Variants in SBNO1 observed in about 807,000 individuals in gnomAD.
SBNO1 encodes the protein protein strawberry notch homolog 1.
In SBNO1, 23 loss-of-function variants were observed where a neutral mutation model predicts 173.6. The ratio of observed to expected loss-of-function variants is 0.13; its 90% CI spans 0.10 to 0.19. The LOEUF (loss-of-function observed/expected upper bound fraction) is 0.19. Ranked by LOEUF, SBNO1 falls within the 10% of genes least tolerant of loss-of-function variation. The pLI is 1.00. For missense variants in SBNO1, 1,238 were observed against 1,671.2 expected, an observed-to-expected ratio of 0.74 and a Z score of 4.52; for synonymous variants, 632 against 571.5, an observed-to-expected ratio of 1.11 and a Z score of -1.51.
intron 7 of SBNO1, among the ~76,000 whole-genome samples, chr12:123,333,507 T>A (rs1034554400): frequency 1.7e-4 from 25 of 146,368 alleles, no homozygotes; most frequent in Non-Finnish European, 2.9e-4. Context: ...ATATATATAA[T>A]TTTTTTTTTT....
At chr12:123,361,027 C>G (rs1875094080) in intron 1 of SBNO1, among the ~76,000 whole-genome samples, 1 of 151,934 alleles carries the variant, frequency 6.6e-6, no homozygotes, top group Non-Finnish European at 1.5e-5. Flanking sequence ...AGGCGGATCA[C>G]GAGATCAAGA....
At chr12:123,356,263 T>G (rs886366921) in intron 1 of SBNO1, among the ~76,000 whole-genome samples, 3 of 152,256 alleles carry the variant, frequency 2.0e-5, no homozygotes, top group African/African-American at 7.2e-5. Context: ...GAAGTAAATG[T>G]GATACTACCT....
chr12:123,296,008 A>C lies in SBNO1; in HGVS notation c.4082T>G (p.Leu1361Arg). Residue 1361 changes from leucine (L) to arginine (R), a missense_variant, in exon 32 of 32, where the codon CTC (leucine) becomes CGC (arginine). Leu to Arg is a moderately radical substitution (Grantham distance 102). Transcript: ENST00000602398. ...PANCVSPLVN[L>R]LSTSDQSQQL... is the part of the protein sequence containing the mutation. ...TTGAGACTGGTCTGAAGTTGATAGG[A>C]GATTTACAAGAGGAGACACACAATT... is the stretch of plus-strand genomic sequence containing the variant. 6.2e-7 allele frequency: 1 copy of C among 1,614,002 alleles called. No individual in the cohort carries two copies. The highest frequency in any genetic ancestry group is 8.5e-7 in the Non-Finnish European group (1 of 1,179,866).
chr12:123,320,224 A>G (rs12371973), intron 19 of SBNO1, among the ~76,000 whole-genome samples, 193 bp from the exon 20 acceptor site: 9,506 of 152,286 alleles, frequency 0.062, 333 homozygotes, highest in South Asian at 0.11. Context: ...AAGATGCGTG[A>G]TAAGTGCAGT....
Position 123,291,715 on chromosome 12 carries a change from A to T in SBNO1, c.*4193T>A, listed in dbSNP as rs1051258732. ...AAAAAAAAAAGTCATAAGATGCCCC[A>T]TATGGGAAAGTCAAGAAAAGAATAA... On this transcript the variant is annotated 3_prime_UTR_variant, in exon 32 of 32. Transcript: ENST00000602398. The T allele has an allele frequency of 2.0e-5, 3 of 149,578 alleles. No individual in the cohort carries two copies. Among genetic ancestry groups the T allele is most frequent in the Admixed American group, 6.7e-5 (1 of 15,022 alleles). 9.3% of individuals were successfully genotyped at this position (149,578 alleles called of 1,614,324 possible).
chr12:123,324,369 T>C (rs377761812), intron 15 of SBNO1, among the ~76,000 whole-genome samples: 2 of 150,264 alleles, frequency 1.3e-5, no homozygotes, highest in African/African-American at 4.9e-5. Flanking sequence ...TCACCCAGGC[T>C]GGAGTGCAAT....
intron 7 of SBNO1, among the ~76,000 whole-genome samples, chr12:123,331,896 A>G (rs1871258440): frequency 6.6e-6 from 1 of 152,034 alleles, no homozygotes; most frequent in African/African-American, 2.4e-5. Context: ...CTCTGTTGCC[A>G]GGCTGAAGTG....
intron 29 of SBNO1, 85 bp from the exon 30 acceptor site, chr12:123,302,985 G>C: frequency 2.0e-6 from 2 of 1,006,732 alleles, no homozygotes; most frequent in Non-Finnish European, 3.1e-6. Context: ...TCTAGAGGTA[G>C]CCAATTTAAA....
At position 123,291,422 on chromosome 12, in the gene SBNO1, A is replaced by AT. The variant is rs1173731803; in HGVS notation, c.*4485dup. 1.3e-5 allele frequency: 2 copies of AT among 152,186 alleles called. No homozygotes were observed. Among genetic ancestry groups the AT allele is most frequent in the Non-Finnish European group, 2.9e-5 (2 of 68,034 alleles). 9.4% of individuals were successfully genotyped at this position (152,186 alleles called of 1,614,324 possible). On this transcript the variant is annotated 3_prime_UTR_variant, in exon 32 of 32. Coordinates refer to ENST00000602398, the MANE Select transcript of SBNO1 (RefSeq NM_001167856.3). ...GGAGCTTAAAGAAGTCTCAGGAAGC[A>AT]TTTTTTAAAATGTGAAAACATCAGG...
intron 21 of SBNO1, among the ~76,000 whole-genome samples, chr12:123,316,766 G>C (rs754818033): frequency 4.8e-4 from 69 of 144,556 alleles, no homozygotes; most frequent in Non-Finnish European, 1.2e-4. Flanking sequence ...GCAATAGCGT[G>C]ATCTCAGCTC....
intron 19 of SBNO1, 38 bp downstream of exon 19, chr12:123,320,394 A>G: frequency 6.4e-7 from 1 of 1,566,314 alleles, no homozygotes; most frequent in Non-Finnish European, 8.7e-7. Context: ...AGGGGTTCAA[A>G]TGGCAAAAAT....
chr12:123,303,273 AG>A (rs1471276305), intron 29 of SBNO1, among the ~76,000 whole-genome samples: 4 of 152,232 alleles, frequency 2.6e-5, no homozygotes, highest in African/African-American at 9.6e-5. Context: ...ACTAAGAGGT[AG>A]TGAGAAGGGC....
intron 9 of SBNO1, 120 bp from the exon 10 acceptor site, chr12:123,329,015 A>G: frequency 3.5e-6 from 2 of 572,988 alleles, no homozygotes; most frequent in Admixed American, 3.3e-5. Flanking sequence ...TTCAGAAAAC[A>G]TAAAAGTACA....
intron 1 of SBNO1, chr12:123,364,039 ATGGGTAATTCTTAGG>A: frequency 2.0e-6 from 2 of 985,418 alleles, no homozygotes; most frequent in Middle Eastern, 5.2e-4. Context: ...GTTCCCCTCC[ATGGGTAATTCTTAGG>A]GTCTGGGAGG....
chr12:123,327,589 A>G lies in SBNO1; in HGVS notation c.1539-10T>C, dbSNP rs1870746074. On this transcript the variant is annotated splice_polypyrimidine_tract_variant and intron_variant, in intron 12 of 31. Transcript: ENST00000602398. ...CATGGCACCAACTCCTCTGAATAAA[A>G]TTAAAACATACAGTAATTACCAATA... 4 of 1,611,994 alleles carry G rather than the reference A, an allele frequency of 2.5e-6. No homozygotes were observed. Among genetic ancestry groups the G allele is most frequent in the Non-Finnish European group, 3.4e-6 (4 of 1,178,600 alleles).
intron 28 of SBNO1, among the ~76,000 whole-genome samples, chr12:123,306,330 G>A (rs2048912548): frequency 1.3e-5 from 2 of 152,124 alleles, no homozygotes; most frequent in Non-Finnish European, 2.9e-5. Context: ...GGCAGCACAG[G>A]CTACACACAC....
At chr12:123,351,779 A>G (rs181243714) in intron 1 of SBNO1, among the ~76,000 whole-genome samples, 72 of 152,342 alleles carry the variant, frequency 4.7e-4, no homozygotes, top group Non-Finnish European at 1.6e-4. Flanking sequence ...AAAGAAGGGG[A>G]AATGGAATCC....
intron 12 of SBNO1, 63 bp downstream of exon 12, chr12:123,327,644 C>A: frequency 6.3e-7 from 1 of 1,590,590 alleles, no homozygotes; most frequent in African/African-American, 1.3e-5. Flanking sequence ...AGAGAATGGG[C>A]TTTAGGAATA....
chr12:123,305,150 G>T (rs894094207), intron 28 of SBNO1, among the ~76,000 whole-genome samples: 1 of 152,174 alleles, frequency 6.6e-6, no homozygotes, highest in African/African-American at 2.4e-5. Flanking sequence ...AAGCTCTGCT[G>T]TATGTTTTTA....
Sources: allele counts gnomAD v4.1 joint callset (sites outside exome capture counted in the v4.1 genomes callset), GRCh38; gene constraint gnomAD v4.1.1; transcripts MANE v1.5; gene names NCBI Gene and HGNC (gene_info 2026-07-23, HGNC 2026-07-21).